SGCD: variants seen among roughly 807,000 people sequenced by gnomAD.
The protein encoded by SGCD is sarcoglycan delta, also known as delta-sarcoglycan.
In SGCD, 18 loss-of-function variants were observed where a neutral mutation model predicts 36.6. The ratio of observed to expected loss-of-function variants is 0.49; its 90% confidence interval spans 0.34 to 0.73. SGCD has a LOEUF of 0.73. Ranked by LOEUF, SGCD falls within the 30% of genes least tolerant of loss-of-function variation. SGCD has a pLI of 0.01. For missense variants in SGCD, 387 were observed against 346.7 expected, an observed-to-expected ratio of 1.12 and a Z score of -0.92; for synonymous variants, 133 against 130.6, an observed-to-expected ratio of 1.02 and a Z score of -0.12.
rs138836618 is a variant in SGCD, at chr5:156,232,059, C to T, written c.-43-97475C>T. Among the ~76,000 whole-genome samples the T allele has an allele frequency of 2.3e-3, 348 of 152,246 alleles. 2 individuals carry two copies. The highest frequency in any genetic ancestry group is 8.2e-3 in the African/African-American group (340 of 41,540). On this transcript the variant is annotated intron_variant, in intron 3 of 9. Coordinates refer to the SGCD transcript ENST00000517913. Reference sequence around the variant, plus strand: ...TAGTTCCTCCAACCCTGACTAATAACAGTAGGCTGAGTAATTCAAGTGATT... The same window carrying T: ...TAGTTCCTCCAACCCTGACTAATAATAGTAGGCTGAGTAATTCAAGTGATT...
intron 3 of SGCD, among the ~76,000 whole-genome samples, chr5:156,385,858 A>G (rs186087021): frequency 6.6e-6 from 1 of 152,336 alleles, no homozygotes; most frequent in African/African-American, 2.4e-5. Flanking sequence ...TGATATTTAC[A>G]TGTATTATCT....
At chr5:155,905,204 C>T (rs746485140) in intron 1 of SGCD, among the ~76,000 whole-genome samples, 23 of 152,148 alleles carry the variant, frequency 1.5e-4, no homozygotes, top group Non-Finnish European at 2.9e-4. Context: ...GTTTAGCTAA[C>T]TTTGGACTTT....
At chr5:155,774,520 G>A in the SGCD span, among the ~76,000 whole-genome samples, 2 of 152,122 alleles carry the variant, frequency 1.3e-5, no homozygotes, top group African/African-American at 4.8e-5. Flanking sequence ...CAAAGTGTTG[G>A]CAGGGCTGGT....
At chr5:156,639,464 C>T (rs564869846) in intron 6 of SGCD, among the ~76,000 whole-genome samples, 9 of 152,290 alleles carry the variant, frequency 5.9e-5, no homozygotes, top group Admixed American at 1.3e-4. Context: ...GCCTGTGCCA[C>T]GCAGCAGGCT....
intron 1 of SGCD, among the ~76,000 whole-genome samples, chr5:156,050,866 T>C (rs1206984171): frequency 2.7e-5 from 4 of 146,558 alleles, no homozygotes; most frequent in Non-Finnish European, 6.2e-5. Flanking sequence ...TGTGCCTCCA[T>C]TTTACAAGAA....
intron 3 of SGCD, among the ~76,000 whole-genome samples, chr5:156,316,038 G>T (rs1036718968): frequency 2.6e-5 from 4 of 151,930 alleles, no homozygotes; most frequent in African/African-American, 7.2e-5. Flanking sequence ...AACTGTCTCT[G>T]TTTGAGGAGT....
intron 3 of SGCD, among the ~76,000 whole-genome samples, chr5:156,473,577 G>A (rs780016467): frequency 6.6e-6 from 1 of 152,206 alleles, no homozygotes; most frequent in Non-Finnish European, 1.5e-5. Flanking sequence ...AACCATAGAC[G>A]AGGGGACTAC....
At chr5:156,094,794 A>G (rs911162786) in intron 1 of SGCD, among the ~76,000 whole-genome samples, 3 of 152,138 alleles carry the variant, frequency 2.0e-5, no homozygotes, top group African/African-American at 7.2e-5. Flanking sequence ...TGAGGTCAAG[A>G]GATCGAGACC....
chr5:156,334,856 GTTTC>G, intron 2 of SGCD, among the ~76,000 whole-genome samples: 1 of 151,980 alleles, frequency 6.6e-6, no homozygotes, highest in Non-Finnish European at 1.5e-5. Flanking sequence ...TGGTGGCAGT[GTTTC>G]AAATGCATTT....
At chr5:156,330,394 G>C (rs552405586) in intron 2 of SGCD, among the ~76,000 whole-genome samples, 74 of 152,248 alleles carry the variant, frequency 4.9e-4, no homozygotes, top group African/African-American at 1.6e-3. Context: ...CTTAGGTCAG[G>C]TCCTGGCTCC....
chr5:156,287,488 A>G (rs1377218366), intron 3 of SGCD, among the ~76,000 whole-genome samples: 2 of 152,184 alleles, frequency 1.3e-5, no homozygotes, highest in African/African-American at 2.4e-5. Context: ...TGTACTGAAA[A>G]GCCAAGGCAG....
intron 2 of SGCD, among the ~76,000 whole-genome samples, chr5:156,341,654 G>T (rs530609826): frequency 6.6e-6 from 1 of 152,282 alleles, no homozygotes; most frequent in Non-Finnish European, 1.5e-5. Context: ...ATGCCTGGGT[G>T]CTACCTCTGT....
At chr5:156,407,720 A>G (rs1299973989) in intron 3 of SGCD, among the ~76,000 whole-genome samples, 1 of 152,186 alleles carries the variant, frequency 6.6e-6, no homozygotes, top group Non-Finnish European at 1.5e-5. Flanking sequence ...TACCACACAA[A>G]GTGGGGGAAA....
At chr5:156,450,880 TATAGAC>T (rs1753978628) in intron 3 of SGCD, among the ~76,000 whole-genome samples, 1 of 152,064 alleles carries the variant, frequency 6.6e-6, no homozygotes, top group African/African-American at 2.4e-5. Context: ...ATTAAGGTAA[TATAGAC>T]ATTATAGAAA....
In SGCD at chr5:156,705,075, T is replaced by C. The variant is rs184479274; in HGVS notation, c.576-52506T>C. 3.2e-3 allele frequency among the ~76,000 whole-genome samples: 491 copies of C among 152,180 alleles called. 3 individuals carry two copies. Among genetic ancestry groups the C allele is most frequent in the African/African-American group, 0.011 (454 of 41,540 alleles). Reference sequence around the variant, plus strand: ...TTGAAGGTCTGTAATTTACAACAATTCATGCATAATAATGATTCAGCAAAT... The same window carrying C: ...TTGAAGGTCTGTAATTTACAACAATCCATGCATAATAATGATTCAGCAAAT... On this transcript the variant is annotated intron_variant, in intron 7 of 8. Coordinates refer to ENST00000337851, the MANE Select transcript of SGCD (RefSeq NM_000337.6).
At position 156,298,330 on chromosome 5, in the gene SGCD, G is replaced by A. The variant is rs1005384437; in HGVS notation, c.-43-31204G>A. Reference sequence around the variant, plus strand: ...GTAATTAGATCTTTAAATTTTTTAGGAACATCCATACTATTCTTCAGAGTG... The same window carrying A: ...GTAATTAGATCTTTAAATTTTTTAGAAACATCCATACTATTCTTCAGAGTG... On this transcript the variant is annotated intron_variant, in intron 3 of 9. Coordinates refer to the SGCD transcript ENST00000517913. Among the ~76,000 whole-genome samples, 10 of 151,946 alleles carry A rather than the reference G, an allele frequency of 6.6e-5. 1 individual carries two copies.
intron 6 of SGCD, among the ~76,000 whole-genome samples, chr5:156,633,008 CT>C (rs5872477): frequency 1 from 152,324 of 152,324 alleles, 76,162 homozygotes; most frequent in Non-Finnish European, 1. Context: ...ATTATGAGAT[CT>C]TGCAGCTTCT....
chr5:156,285,974 C>A (rs1252788865), intron 3 of SGCD, among the ~76,000 whole-genome samples: 1 of 152,036 alleles, frequency 6.6e-6, no homozygotes, highest in Admixed American at 6.6e-5. Context: ...AACAAATTTA[C>A]AAGAAAAAAA....
intron 4 of SGCD, among the ~76,000 whole-genome samples, chr5:156,539,557 G>A (rs1190913383): frequency 6.6e-6 from 1 of 152,032 alleles, no homozygotes; most frequent in African/African-American, 2.4e-5. Context: ...ATGGCCTCCA[G>A]CTTCATCCAA....
Sources: gnomAD v4.1 joint callset for allele counts (sites outside exome capture counted in the v4.1 genomes callset) on GRCh38, gnomAD v4.1.1 for gene constraint, MANE v1.5 for transcripts, NCBI Gene and HGNC (gene_info 2026-07-23, HGNC 2026-07-21) for gene names.